The following HMCN1 variants were observed in gnomAD, a reference collection of about 807,000 sequenced individuals.
HMCN1 encodes hemicentin-1.
In HMCN1, 321 loss-of-function variants were observed where a neutral mutation model predicts 625.9. The observed-to-expected ratio is 0.51, with a 90% CI of 0.47 to 0.56. The LOEUF (loss-of-function observed/expected upper bound fraction) is 0.56. Ranked by LOEUF, HMCN1 falls within the 20% of genes least tolerant of loss-of-function variation. HMCN1 has a pLI of 0.00. For synonymous variants in HMCN1, 2,425 were observed against 2,417.6 expected, an observed-to-expected ratio of 1.00 and a Z score of -0.09; for missense variants, 6,588 against 6,887.3, an observed-to-expected ratio of 0.96 and a Z score of 1.54.
At chr1:186,035,435 T>C (rs1223440536) in intron 36 of HMCN1, among the ~76,000 whole-genome samples, 2 of 152,150 alleles carry the variant, frequency 1.3e-5, no homozygotes, top group Non-Finnish European at 2.9e-5. Context: ...TTTCTGCTTT[T>C]ATTTTTATTA....
intron 4 of HMCN1, among the ~76,000 whole-genome samples, chr1:185,887,675 T>C (rs1006135982): frequency 6.9e-6 from 1 of 145,022 alleles, no homozygotes; most frequent in African/African-American, 2.8e-5. Context: ...CCATGGTGTA[T>C]ATGTGCCACA....
chr1:185,924,895 G>A (rs917963386), intron 8 of HMCN1, 152 bp from the exon 9 acceptor site: 2 of 747,988 alleles, frequency 2.7e-6, no homozygotes, highest in African/African-American at 1.8e-5. Context: ...GATAGAAAAA[G>A]TAATTTTTAG....
intron 1 of HMCN1, among the ~76,000 whole-genome samples, chr1:185,769,749 G>A (rs922858801): frequency 6.6e-6 from 1 of 152,160 alleles, no homozygotes; most frequent in African/African-American, 2.4e-5. Flanking sequence ...ACTGATGCCT[G>A]TGTGATAAGC....
chr1:185,897,655 T>C lies in HMCN1; in HGVS notation c.622-11682T>C, dbSNP rs147129922. ...AATCTCAAGTATGCCTGGTCACCTT[T>C]CCAGATAAACCAGATTTGACCATCT... is the stretch of plus-strand genomic sequence containing the variant. On this transcript the variant is annotated intron_variant, in intron 4 of 106. Coordinates refer to ENST00000271588, the MANE Select transcript of HMCN1 (RefSeq NM_031935.3). Among the ~76,000 whole-genome samples, 23 of 152,340 alleles carry C rather than the reference T, an allele frequency of 1.5e-4. No individual in the cohort carries two copies. In the East Asian group the frequency reaches 3.5e-3, roughly 23 times the overall value.
rs1411073869 is a variant in HMCN1 at position 185,965,907 on chromosome 1, G to T, written c.2204G>T (p.Trp735Leu). 1 of 1,536,868 alleles carries T rather than the reference G, an allele frequency of 6.5e-7. No individual in the cohort carries two copies. The highest frequency in any genetic ancestry group is 9.0e-7 in the Non-Finnish European group (1 of 1,109,962). Residue 735 changes from tryptophan to leucine, a missense_variant, in exon 14 of 107, where the codon TGG (tryptophan) becomes TTG (leucine). Coordinates refer to ENST00000271588, the MANE Select transcript of HMCN1 (RefSeq NM_031935.3). ...GGTATTCCTCCACCTCAAGTTAAAT[G>T]GTTCAAAGGTACATTTCTTCAATAT... ...TSGIPPPQVK[W>L]FKGDLELRPS...
intron 9 of HMCN1, among the ~76,000 whole-genome samples, chr1:185,926,215 C>G (rs1433015924): frequency 6.6e-6 from 1 of 152,132 alleles, no homozygotes; most frequent in Non-Finnish European, 1.5e-5. Flanking sequence ...AATTCAATAT[C>G]AACATAACTT....
chr1:186,044,461 A>G (rs1460450036), intron 40 of HMCN1, among the ~76,000 whole-genome samples: 1 of 152,140 alleles, frequency 6.6e-6, no homozygotes, highest in Non-Finnish European at 1.5e-5. Flanking sequence ...AGACATGGTA[A>G]CAGAGAAACC....
chr1:185,781,501 C>A (rs143208199), intron 1 of HMCN1, among the ~76,000 whole-genome samples: 1 of 152,152 alleles, frequency 6.6e-6, no homozygotes, highest in Non-Finnish European at 1.5e-5. Flanking sequence ...ACGAATTTCC[C>A]TCTACACACT....
At chr1:185,846,741 C>T (rs1388081908) in intron 2 of HMCN1, among the ~76,000 whole-genome samples, 1 of 152,164 alleles carries the variant, frequency 6.6e-6, no homozygotes, top group Non-Finnish European at 1.5e-5. Flanking sequence ...TTCCATCATT[C>T]ATTTTGGCGA....
At chr1:185,807,031 G>A (rs1659216973) in intron 1 of HMCN1, among the ~76,000 whole-genome samples, 1 of 151,920 alleles carries the variant, frequency 6.6e-6, no homozygotes, top group African/African-American at 2.4e-5. Context: ...TCAAGAATTT[G>A]GGATTATAGT....
At chr1:185,805,380 A>T (rs1393572074) in intron 1 of HMCN1, among the ~76,000 whole-genome samples, 3 of 152,300 alleles carry the variant, frequency 2.0e-5, no homozygotes, top group East Asian at 3.9e-4. Flanking sequence ...GAGGCCAAAA[A>T]GTTCAAATAT....
rs116342941 is a variant in HMCN1 at position 185,753,188 on chromosome 1, T to A, written c.268+18141T>A. 8.3e-3 allele frequency among the ~76,000 whole-genome samples: 1,259 copies of A among 152,246 alleles called. 12 individuals carry two copies. The highest frequency in any genetic ancestry group is 0.027 in the Middle Eastern group (8 of 294). On this transcript the variant is annotated intron_variant, in intron 1 of 106. Coordinates refer to ENST00000271588, the MANE Select transcript of HMCN1 (RefSeq NM_031935.3). The stretch of plus-strand genomic sequence containing the variant: ...AATATACAATAACTTCTTTAATCTA[T>A]AAATAATTCCTCAAAAACTCAAAAA...
rs534334034 is a variant in HMCN1 at position 186,069,336 on chromosome 1, G to A, written c.7880-327G>A. ...CTCCTGTAGGCTAGGTAGATAAGAC[G>A]AAAAGATGATTAAGGCAGAAACCTA... On this transcript the variant is annotated intron_variant, in intron 50 of 106. Transcript: ENST00000271588. Among the ~76,000 whole-genome samples the A allele has an allele frequency of 2.2e-4, 34 of 152,304 alleles. 1 individual carries two copies. In the South Asian group the frequency reaches 3.5e-3, roughly 16 times the overall value.
At chr1:186,002,447 C>T (rs1406276026) in intron 28 of HMCN1, among the ~76,000 whole-genome samples, 1 of 152,008 alleles carries the variant, frequency 6.6e-6, no homozygotes, top group African/African-American at 2.4e-5. Context: ...AAATTATATT[C>T]ATAAACTGCT....
chr1:185,753,633 T>C (rs1184859832), intron 1 of HMCN1, among the ~76,000 whole-genome samples: 2 of 152,236 alleles, frequency 1.3e-5, no homozygotes, highest in Non-Finnish European at 2.9e-5. Context: ...TTTTGATCTG[T>C]TGTATTTTTG....
chr1:185,882,624 C>T (rs1233386024), intron 4 of HMCN1, among the ~76,000 whole-genome samples: 6 of 151,888 alleles, frequency 4.0e-5, no homozygotes, highest in Non-Finnish European at 8.8e-5. Flanking sequence ...CATTTTCCCA[C>T]TTCAGAAATT....
chr1:186,159,824 A>G (rs1337079331), intron 97 of HMCN1, among the ~76,000 whole-genome samples: 3 of 152,222 alleles, frequency 2.0e-5, no homozygotes, highest in African/African-American at 7.2e-5. Flanking sequence ...TCGGTTTGCC[A>G]GTATTTTATT....
rs753257595 is a variant in HMCN1, at chr1:185,994,838, C to G, written c.3529C>G (p.Pro1177Ala). 2 of 1,613,542 alleles carry G rather than the reference C, an allele frequency of 1.2e-6. No homozygotes were observed. The highest frequency in any genetic ancestry group is 2.2e-5 in the South Asian group (2 of 91,072). ...AGTTCCTCCAAAGATACAGCGTGGA[C>G]CTAAACATCTCAAAGTCCAAGTTGG... ...VHVPPKIQRG[P>A]KHLKVQVGQR... is the part of the protein sequence containing the mutation. Residue 1177 changes from proline to alanine, a missense_variant, in exon 24 of 107, where the codon CCT (proline) becomes GCT (alanine). Pro to Ala is a conservative substitution (Grantham distance 27, BLOSUM62 -1). Coordinates refer to ENST00000271588, the MANE Select transcript of HMCN1 (RefSeq NM_031935.3).
chr1:186,106,409 T>G (rs186511601), intron 69 of HMCN1, among the ~76,000 whole-genome samples: 8 of 152,338 alleles, frequency 5.3e-5, no homozygotes, highest in African/African-American at 1.9e-4. Flanking sequence ...TGTTTCACCA[T>G]GTATATAAAA....
Sources: allele counts gnomAD v4.1 joint callset (sites outside exome capture counted in the v4.1 genomes callset), GRCh38; gene constraint gnomAD v4.1.1; transcripts MANE v1.5; gene names NCBI Gene and HGNC (gene_info 2026-07-23, HGNC 2026-07-21).